Variants in MROH1 observed in about 807,000 individuals in gnomAD.
MROH1 encodes the protein maestro heat like repeat family member 1.
In MROH1, 117 loss-of-function variants were observed where a neutral mutation model predicts 116.5. The observed-to-expected ratio is 1.00, with a 90% confidence interval of 0.86 to 1.17. The LOEUF (loss-of-function observed/expected upper bound fraction) is 1.17. MROH1 is among the 50% of genes most tolerant of loss of function. The pLI is 0.00. For missense variants in MROH1, 1,873 were observed against 1,338.5 expected (o/e 1.40, Z -6.23); for synonymous variants, 921 against 583.9 (o/e 1.58, Z -8.32).
Position 144,240,204 on chromosome 8 carries a change from G to C in MROH1, c.1827+51G>C, listed in dbSNP as rs1043773093. 12 of 710,704 alleles carry C rather than the reference G, an allele frequency of 1.7e-5. No individual in the cohort carries two copies. The Admixed American group carries it at 1.9e-4, about 11-fold the overall frequency. 44.0% of individuals were successfully genotyped at this position (710,704 alleles called of 1,614,324 possible). ...TGGGCCTTAAGGTGTTGTCTGGCCT[G>C]GGGGGTGCTGGGGTGGCAGAGGCTG... On this transcript the variant is annotated intron_variant, in intron 19 of 43. Coordinates refer to ENST00000326134, the MANE Select transcript of MROH1 (RefSeq NM_032450.3).
At chr8:144,151,363 G>A (rs1816747243) in intron 1 of MROH1, among the ~76,000 whole-genome samples, 1 of 151,448 alleles carries the variant, frequency 6.6e-6, no homozygotes, top group African/African-American at 2.4e-5. Flanking sequence ...ACTGGACCTC[G>A]AGGGGAACAC....
At chr8:144,208,717 C>CTT (rs918624960) in intron 12 of MROH1, among the ~76,000 whole-genome samples, 1 of 149,442 alleles carries the variant, frequency 6.7e-6, no homozygotes, top group Non-Finnish European at 1.5e-5. Flanking sequence ...CAATATCACA[C>CTT]TTTTTTTTTT....
At chr8:144,236,686 T>A (rs1023006693) in intron 14 of MROH1, among the ~76,000 whole-genome samples, 10 of 151,576 alleles carry the variant, frequency 6.6e-5, no homozygotes. Flanking sequence ...GAGGTTGCAG[T>A]GAGCTGAGAT....
chr8:144,173,098 C>CTTTT (rs57999074), intron 4 of MROH1, among the ~76,000 whole-genome samples: 1 of 130,340 alleles, frequency 7.7e-6, no homozygotes, highest in Non-Finnish European at 1.6e-5. Context: ...AGTTATGGTA[C>CTTTT]TTTTTTTTTT....
chr8:144,192,269 G>C (rs1828814630), intron 9 of MROH1, 40 bp from the exon 10 acceptor site: 1 of 1,524,960 alleles, frequency 6.6e-7, no homozygotes, highest in Admixed American at 2.0e-5. Context: ...TCGGGCGGCT[G>C]GAGGTAGGAC....
Position 144,157,329 on chromosome 8 carries a change from G to T in MROH1, c.-176-3641G>T, listed in dbSNP as rs1422257157. ...ACTCCTGACCTCAAGTTATCCACCC[G>T]CCTTGGCCTCCCAAAGTGCTGGGAT... On this transcript the variant is annotated intron_variant, in intron 1 of 43. Coordinates refer to ENST00000326134, the MANE Select transcript of MROH1 (RefSeq NM_032450.3). Among the ~76,000 whole-genome samples, 3 of 152,152 alleles carry T rather than the reference G, an allele frequency of 2.0e-5. No individual in the cohort carries two copies. The South Asian group carries it at 6.2e-4, about 32-fold the overall frequency.
intron 4 of MROH1, among the ~76,000 whole-genome samples, chr8:144,179,034 C>T (rs918378424): frequency 1.3e-5 from 2 of 151,922 alleles, no homozygotes; most frequent in Non-Finnish European, 2.9e-5. Flanking sequence ...TGGGGAGGGG[C>T]CGTTGGATAC....
At chr8:144,217,031 C>T (rs1835421699) in intron 12 of MROH1, among the ~76,000 whole-genome samples, 1 of 152,094 alleles carries the variant, frequency 6.6e-6, no homozygotes, top group African/African-American at 2.4e-5. Context: ...GAAATGATTG[C>T]TTATTGAGCT....
rs1267138138 is a variant in MROH1, at chr8:144,172,630, C to T, written c.168+4190C>T. ...TTCACCGTGTTGGTCAGGCAGGTCT[C>T]GAACTCCTGACCTTGTGATCTGCCC... On this transcript the variant is annotated intron_variant, in intron 4 of 43. Coordinates refer to ENST00000326134, the MANE Select transcript of MROH1 (RefSeq NM_032450.3). Among the ~76,000 whole-genome samples, 6 of 152,024 alleles carry T rather than the reference C, an allele frequency of 3.9e-5. No individual in the cohort carries two copies. The East Asian group carries it at 9.7e-4, about 24-fold the overall frequency.
At chr8:144,252,066 G>T in intron 33 of MROH1, 1 of 195,864 alleles carries the variant, frequency 5.1e-6, no homozygotes, top group Non-Finnish European at 1.1e-5. Context: ...CTCCTTGCCG[G>T]ACAGTGCTGG....
At chr8:144,239,874 A>G in intron 18 of MROH1, 119 bp downstream of exon 18, 1 of 678,152 alleles carries the variant, frequency 1.5e-6, no homozygotes. Context: ...AATGGGGACT[A>G]GGGTTGTATA....
At position 144,240,189 on chromosome 8, in the gene MROH1, G is replaced by A; in HGVS notation, c.1827+36G>A. The A allele has an allele frequency of 4.0e-6, 3 of 751,688 alleles. No individual in the cohort carries two copies. The South Asian group carries it at 4.3e-5, about 11-fold the overall frequency. The allele number at this position is 751,688 out of a possible 1,614,324, so 46.6% of individuals were successfully genotyped here. ...GGGTACGGCCCATCCTGGGCCTTAAGGTGTTGTCTGGCCTGGGGGGTGCTG... is the reference window on the plus strand; with the variant it reads ...GGGTACGGCCCATCCTGGGCCTTAAAGTGTTGTCTGGCCTGGGGGGTGCTG... On this transcript the variant is annotated intron_variant, in intron 19 of 43. Coordinates refer to ENST00000326134, the MANE Select transcript of MROH1 (RefSeq NM_032450.3).
intron 35 of MROH1, among the ~76,000 whole-genome samples, chr8:144,256,863 C>T (rs987663360): frequency 1.3e-5 from 2 of 152,244 alleles, no homozygotes; most frequent in East Asian, 1.9e-4. Flanking sequence ...GCTGTGCCTG[C>T]GCCATTTGCA....
intron 12 of MROH1, among the ~76,000 whole-genome samples, chr8:144,204,313 T>C (rs1832368203): frequency 6.6e-6 from 1 of 152,226 alleles, no homozygotes; most frequent in Non-Finnish European, 1.5e-5. Flanking sequence ...GGTCTACTTA[T>C]GTTGCCCAGG....
At chr8:144,211,702 T>C (rs893171334) in intron 12 of MROH1, among the ~76,000 whole-genome samples, 1 of 148,186 alleles carries the variant, frequency 6.7e-6, no homozygotes, top group African/African-American at 2.5e-5. Flanking sequence ...CTCCAGCCTG[T>C]GCGACAAGAG....
intron 33 of MROH1, chr8:144,251,595 G>C (rs1842855765): frequency 6.6e-6 from 1 of 152,312 alleles, no homozygotes. Context: ...TCTGGGTCTG[G>C]CTGGGCTGCT....
chr8:144,249,556 G>A (rs1183127100), intron 32 of MROH1, among the ~76,000 whole-genome samples: 2 of 152,264 alleles, frequency 1.3e-5, no homozygotes, highest in African/African-American at 4.8e-5. Flanking sequence ...TCGTGACAAG[G>A]CCGTCCCCCA....
chr8:144,240,735 G>A (rs931469036), intron 20 of MROH1, 58 bp downstream of exon 20: 86 of 706,388 alleles, frequency 1.2e-4, no homozygotes, highest in Non-Finnish European at 2.0e-4. Context: ...TCTGGGTCTC[G>A]TGTCTGTCAC....
At chr8:144,241,166 G>A in intron 21 of MROH1, 55 bp downstream of exon 21, 1 of 717,816 alleles carries the variant, frequency 1.4e-6, no homozygotes, top group East Asian at 2.7e-5. Flanking sequence ...GAGGACGGTG[G>A]CACCTGCTGT....
Sources: gnomAD v4.1 joint callset for allele counts (sites outside exome capture counted in the v4.1 genomes callset) on GRCh38, gnomAD v4.1.1 for gene constraint, MANE v1.5 for transcripts, NCBI Gene and HGNC (gene_info 2026-07-23, HGNC 2026-07-21) for gene names.